The following SND1 variants were observed in gnomAD, a reference collection of about 807,000 sequenced individuals.
SND1 encodes staphylococcal nuclease and tudor domain containing 1.
In SND1, 38 loss-of-function variants were observed where a neutral mutation model predicts 121.7. The observed-to-expected ratio is 0.31, with a 90% CI of 0.24 to 0.41. The LOEUF is 0.41. Among genes scored for constraint, SND1 ranks in the 10% least tolerant of loss-of-function variants. The pLI is 1.00. For missense variants in SND1, 868 were observed against 1,184.6 expected (o/e 0.73, Z 3.92); for synonymous variants, 401 against 447.4 (o/e 0.90, Z 1.31).
At chr7:127,754,972 A>G (rs1289769287) in intron 10 of SND1, among the ~76,000 whole-genome samples, 2 of 152,310 alleles carry the variant, frequency 1.3e-5, no homozygotes, top group East Asian at 3.9e-4. Flanking sequence ...TTTAGACCTA[A>G]ATAAATTACT....
At chr7:128,032,801 C>G (rs1409321182) in intron 16 of SND1, among the ~76,000 whole-genome samples, 4 of 152,210 alleles carry the variant, frequency 2.6e-5, no homozygotes, top group Non-Finnish European at 4.4e-5. Flanking sequence ...CCCTCCTTCG[C>G]TTTGCCTCAC....
intron 10 of SND1, among the ~76,000 whole-genome samples, chr7:127,733,562 CAA>C (rs1796717963): frequency 6.6e-6 from 1 of 152,134 alleles, no homozygotes; most frequent in Non-Finnish European, 1.5e-5. Flanking sequence ...TCCCCTGATG[CAA>C]AGTTTTACAA....
intron 10 of SND1, among the ~76,000 whole-genome samples, chr7:127,786,934 G>A (rs988073192): frequency 4.6e-5 from 7 of 152,162 alleles, no homozygotes; most frequent in East Asian, 3.9e-4. Context: ...GAGCCACCGC[G>A]CCCGGCCTTG....
At chr7:127,920,702 T>C (rs1197973646) in intron 14 of SND1, among the ~76,000 whole-genome samples, 1 of 152,096 alleles carries the variant, frequency 6.6e-6, no homozygotes, top group African/African-American at 2.4e-5. Flanking sequence ...GATAGCTGCC[T>C]CTCACCCAAG....
At chr7:127,890,674 TC>T (rs1445501239) in intron 13 of SND1, among the ~76,000 whole-genome samples, 2 of 152,202 alleles carry the variant, frequency 1.3e-5, no homozygotes, top group Admixed American at 1.3e-4. Context: ...GAATAAGCTC[TC>T]TTATTATGCT....
chr7:127,821,033 G>A (rs1798537511), intron 11 of SND1, among the ~76,000 whole-genome samples: 1 of 152,166 alleles, frequency 6.6e-6, no homozygotes. Flanking sequence ...TTTATTGTTG[G>A]CCTTGGATCC....
intron 2 of SND1, among the ~76,000 whole-genome samples, chr7:127,690,892 C>T (rs1440477429): frequency 6.6e-6 from 1 of 152,154 alleles, no homozygotes; most frequent in Non-Finnish European, 1.5e-5. Flanking sequence ...TTATTCTTTG[C>T]CTTCTGTCAT....
intron 16 of SND1, among the ~76,000 whole-genome samples, chr7:128,036,225 T>C (rs1377768256): frequency 6.9e-6 from 1 of 145,224 alleles, no homozygotes; most frequent in Non-Finnish European, 1.5e-5. Flanking sequence ...GTGTGTGTCT[T>C]AGTTCCACCC....
intron 1 of SND1, among the ~76,000 whole-genome samples, chr7:127,667,678 A>C (rs879601810): frequency 1.3e-5 from 2 of 152,212 alleles, no homozygotes; most frequent in Admixed American, 6.5e-5. Flanking sequence ...GTAGTGCCCA[A>C]ACTAAATCTT....
At position 127,883,055 on chromosome 7, in the gene SND1, C is replaced by G. The variant is rs139672654; in HGVS notation, c.1344-4847C>G. ...TGTTTAGGGTTCTACTAAAAGTCAA[C>G]AGTTTCCATTAGGCATGATCAGGTG... On this transcript the variant is annotated intron_variant, in intron 12 of 23. Coordinates refer to ENST00000354725, the MANE Select transcript of SND1 (RefSeq NM_014390.4). Among the ~76,000 whole-genome samples the G allele has an allele frequency of 2.5e-3, 381 of 152,274 alleles. 3 individuals carry two copies. Among genetic ancestry groups the G allele is most frequent in the African/African-American group, 8.6e-3 (359 of 41,576 alleles).
At chr7:127,910,645 G>A (rs1015728152) in intron 14 of SND1, among the ~76,000 whole-genome samples, 1 of 152,062 alleles carries the variant, frequency 6.6e-6, no homozygotes, top group Admixed American at 6.5e-5. Context: ...TCAGCTTTCT[G>A]TTTTTTCTAG....
At chr7:127,975,219 G>A (rs1033783081) in intron 15 of SND1, among the ~76,000 whole-genome samples, 25 of 152,306 alleles carry the variant, frequency 1.6e-4, no homozygotes, top group Non-Finnish European at 3.4e-4. Context: ...GCAGCGCATC[G>A]TTTTTCCATT....
chr7:127,746,348 C>CA (rs1358094030), intron 10 of SND1, among the ~76,000 whole-genome samples: 1 of 152,200 alleles, frequency 6.6e-6, no homozygotes, highest in East Asian at 1.9e-4. Context: ...TTGAAGATTT[C>CA]ATTCTGCTTT....
chr7:128,087,159 T>A, intron 21 of SND1, 108 bp downstream of exon 21: 1 of 793,190 alleles, frequency 1.3e-6, no homozygotes, highest in Non-Finnish European at 2.1e-6. Context: ...GATGGTCTCT[T>A]AGTAATAGTA....
chr7:127,694,040 G>A (rs552810837), intron 2 of SND1, among the ~76,000 whole-genome samples: 4 of 152,230 alleles, frequency 2.6e-5, no homozygotes, highest in African/African-American at 4.8e-5. Context: ...TGCATGGAAC[G>A]GTGAGAGGAA....
chr7:127,670,659 C>CATTT (rs1023233940), intron 1 of SND1, among the ~76,000 whole-genome samples: 4 of 152,014 alleles, frequency 2.6e-5, no homozygotes, highest in South Asian at 2.1e-4. Flanking sequence ...AATTAGATCA[C>CATTT]ATTTATTTAT....
At chr7:127,924,042 G>C (rs1800781196) in intron 14 of SND1, among the ~76,000 whole-genome samples, 1 of 151,588 alleles carries the variant, frequency 6.6e-6, no homozygotes, top group African/African-American at 2.4e-5. Context: ...CTACTTTAGA[G>C]TTAAGATTGG....
Position 128,092,100 on chromosome 7 carries a change from C to CA in SND1, c.*42_*43insA. 1.3e-6 allele frequency: 2 copies of CA among 1,596,076 alleles called. No individual in the cohort carries two copies. The highest frequency in any genetic ancestry group is 1.7e-6 in the Non-Finnish European group (2 of 1,163,968). On this transcript the variant is annotated 3_prime_UTR_variant, in exon 24 of 24. Coordinates refer to ENST00000354725, the MANE Select transcript of SND1 (RefSeq NM_014390.4). The surrounding 1 kb of genome is among the most constrained non-coding windows in gnomAD (Gnocchi z 4.9). ...GGCCCCCAGCCCCGCTCACGCCAGTCCCTCTTCCTCTGCCGGGAGGGTGTT... is the reference window on the plus strand; with the variant it reads ...GGCCCCCAGCCCCGCTCACGCCAGTCACCTCTTCCTCTGCCGGGAGGGTGTT...
In SND1 at chr7:128,085,798, G is replaced by C. The variant is rs370716771; in HGVS notation, c.2304+18G>C. ...ACGGCAACGTGAGTGTTGGGGACCA[G>C]AGTGTTGGAGGGGCTATCAAACACA... On this transcript the variant is annotated intron_variant, in intron 20 of 23. Transcript: ENST00000354725. This position sits in a 1 kb window ranked among gnomAD's most constrained non-coding sequence, Gnocchi z 4.4. 1.9e-6 allele frequency: 3 copies of C among 1,607,862 alleles called. No individual in the cohort carries two copies. The highest frequency in any genetic ancestry group is 1.3e-5 in the African/African-American group (1 of 74,916).
Sources: allele counts gnomAD v4.1 joint callset (sites outside exome capture counted in the v4.1 genomes callset), GRCh38; gene constraint gnomAD v4.1.1; non-coding constraint Gnocchi (gnomAD v3.1); transcripts MANE v1.5; gene names NCBI Gene and HGNC (gene_info 2026-07-23, HGNC 2026-07-21).